Variants in MITF observed in about 807,000 individuals in gnomAD.
MITF encodes the protein melanocyte inducing transcription factor, also known as microphthalmia-associated transcription factor.
In MITF, 17 loss-of-function variants were observed where a neutral mutation model predicts 60.5. The observed-to-expected ratio is 0.28, with a 90% CI of 0.19 to 0.42. MITF has a LOEUF of 0.42. MITF is among the 10% of genes least tolerant of loss of function. MITF has a pLI of 1.00. For missense variants in MITF, 622 were observed against 683.5 expected (o/e 0.91, Z 1.00); for synonymous variants, 260 against 248.5 (o/e 1.05, Z -0.43).
At chr3:69,956,325 G>T in intron 7 of MITF, 130 bp from the exon 8 acceptor site, 1 of 743,192 alleles carries the variant, frequency 1.3e-6, no homozygotes, top group East Asian at 2.7e-5. Context: ...AGTAAAAATA[G>T]GGAAAAAGTA....
chr3:69,791,612 A>G (rs921631421), intron 1 of MITF, among the ~76,000 whole-genome samples: 2 of 152,096 alleles, frequency 1.3e-5, no homozygotes, highest in African/African-American at 4.8e-5. Flanking sequence ...AAATATAAAA[A>G]CCTTGGGTAT....
intron 2 of MITF, among the ~76,000 whole-genome samples, chr3:69,887,865 T>G (rs1397870211): frequency 6.6e-6 from 1 of 152,052 alleles, no homozygotes; most frequent in Non-Finnish European, 1.5e-5. Context: ...GATGTCCTGA[T>G]GCATTTTATT....
intron 2 of MITF, among the ~76,000 whole-genome samples, chr3:69,910,477 T>C (rs2065200674): frequency 6.6e-6 from 1 of 152,130 alleles, no homozygotes; most frequent in Admixed American, 6.5e-5. Flanking sequence ...GTAGATCCAC[T>C]GACAGCGTGA....
rs889348392 is a variant in MITF at position 69,888,454 on chromosome 3, C to T, written c.354+9071C>T. Among the ~76,000 whole-genome samples the T allele has an allele frequency of 4.0e-5, 6 of 149,232 alleles. 1 individual carries two copies. The South Asian group carries it at 1.3e-3, about 32-fold the overall frequency. On this transcript the variant is annotated intron_variant, in intron 2 of 9. Coordinates refer to ENST00000352241, the MANE Select transcript of MITF (RefSeq NM_001354604.2). ...TTTGAAAGAAATCTTACCTTGAGTA[C>T]TTCTGGCTGTGGAGATCGGTGCCTT...
At chr3:69,748,456 G>A (rs913841907) in intron 1 of MITF, among the ~76,000 whole-genome samples, 9 of 152,126 alleles carry the variant, frequency 5.9e-5, no homozygotes, top group African/African-American at 1.9e-4. Context: ...GGCTAGGCTG[G>A]TCTCGAACCC....
At chr3:69,823,227 G>C (rs1239190247) in intron 1 of MITF, among the ~76,000 whole-genome samples, 2 of 152,114 alleles carry the variant, frequency 1.3e-5, no homozygotes, top group Non-Finnish European at 2.9e-5. Flanking sequence ...CTTAAGGCTT[G>C]TTGCTTGTAT....
At chr3:69,878,999 G>T (rs2064418052) in intron 1 of MITF, 135 bp from the exon 2 acceptor site, 2 of 725,788 alleles carry the variant, frequency 2.8e-6, no homozygotes, top group Non-Finnish European at 4.9e-6. Flanking sequence ...CAATTATGTG[G>T]AGTACCATTC....
intron 1 of MITF, among the ~76,000 whole-genome samples, chr3:69,853,088 A>G (rs1052866531): frequency 6.6e-6 from 1 of 152,146 alleles, no homozygotes; most frequent in African/African-American, 2.4e-5. Flanking sequence ...TTTTGTGACC[A>G]TAGTTGCCTG....
At chr3:69,879,078 A>G (rs745998455) in intron 1 of MITF, 56 bp from the exon 2 acceptor site, 13 of 1,486,020 alleles carry the variant, frequency 8.7e-6, no homozygotes, top group Non-Finnish European at 1.1e-5. Context: ...CCCAAAGTGC[A>G]AACGAAGGGT....
At chr3:69,872,642 A>T (rs1044723081) in intron 1 of MITF, among the ~76,000 whole-genome samples, 1 of 152,146 alleles carries the variant, frequency 6.6e-6, no homozygotes, top group Admixed American at 6.5e-5. Context: ...TGGGAAACTT[A>T]TTAAGGTTCT....
At chr3:69,949,369 C>T (rs952138227) in intron 6 of MITF, among the ~76,000 whole-genome samples, 1 of 151,782 alleles carries the variant, frequency 6.6e-6, no homozygotes, top group African/African-American at 2.4e-5. Flanking sequence ...CAAGGAGATC[C>T]TTGAAAATCT....
chr3:69,820,261 T>C (rs1441401002), intron 1 of MITF, among the ~76,000 whole-genome samples: 2 of 152,212 alleles, frequency 1.3e-5, no homozygotes, highest in South Asian at 2.1e-4. Flanking sequence ...GAAATATACA[T>C]GTGTGGCTCA....
At chr3:69,790,262 A>G (rs981208604) in intron 1 of MITF, among the ~76,000 whole-genome samples, 12 of 152,322 alleles carry the variant, frequency 7.9e-5, no homozygotes, top group African/African-American at 2.9e-4. Context: ...ATCCACTTAC[A>G]TGAGGTATGT....
intron 2 of MITF, among the ~76,000 whole-genome samples, chr3:69,894,101 A>G (rs1402102506): frequency 6.6e-6 from 1 of 152,224 alleles, no homozygotes; most frequent in Non-Finnish European, 1.5e-5. Context: ...TACAGGTTAC[A>G]TAGGAGTGAC....
At chr3:69,909,005 G>A (rs12107473) in intron 2 of MITF, among the ~76,000 whole-genome samples, 2,350 of 152,110 alleles carry the variant, frequency 0.015, 29 homozygotes, top group Middle Eastern at 0.051. Context: ...GTTCTATTAG[G>A]TTTTTTTGTT....
intron 1 of MITF, among the ~76,000 whole-genome samples, chr3:69,774,212 G>T (rs1446761468): frequency 6.6e-6 from 1 of 152,200 alleles, no homozygotes; most frequent in East Asian, 1.9e-4. Flanking sequence ...GGCCTGGCAG[G>T]CTTTCTTCTA....
At chr3:69,780,134 A>G (rs1156293409) in intron 1 of MITF, among the ~76,000 whole-genome samples, 4 of 152,150 alleles carry the variant, frequency 2.6e-5, no homozygotes, top group African/African-American at 9.7e-5. Flanking sequence ...GGGTTAAAAG[A>G]TGATCTAATA....
At chr3:69,771,038 C>G (rs900577534) in intron 1 of MITF, among the ~76,000 whole-genome samples, 4 of 152,200 alleles carry the variant, frequency 2.6e-5, no homozygotes, top group Non-Finnish European at 5.9e-5. Flanking sequence ...AACCGCTTCT[C>G]TCATGTGTGA....
intron 1 of MITF, among the ~76,000 whole-genome samples, chr3:69,845,089 A>G (rs1482133665): frequency 1.3e-5 from 2 of 152,248 alleles, no homozygotes; most frequent in Non-Finnish European, 2.9e-5. Context: ...TTTGTGTACT[A>G]ATCTTATTCC....
Sources: gnomAD v4.1 joint callset for allele counts (sites outside exome capture counted in the v4.1 genomes callset) on GRCh38, gnomAD v4.1.1 for gene constraint, MANE v1.5 for transcripts, NCBI Gene and HGNC (gene_info 2026-07-23, HGNC 2026-07-21) for gene names.